The following INPP5A variants were observed in gnomAD, a reference collection of about 807,000 sequenced individuals.
The protein encoded by INPP5A is 43 kDa inositol polyphosphate 5-phophatase.
A neutral mutation model predicts 65.2 loss-of-function variants in INPP5A; 14 were observed. The ratio of observed to expected loss-of-function variants is 0.21; its 90% CI spans 0.14 to 0.34. INPP5A has a LOEUF of 0.34. INPP5A is among the 10% of genes least tolerant of loss of function. The pLI is 1.00. For missense variants in INPP5A, 431 were observed against 545.6 expected (o/e 0.79, Z 2.09); for synonymous variants, 207 against 208.3 (o/e 0.99, Z 0.05).
At chr10:132,739,981 C>T (rs1255562129) in intron 9 of INPP5A, among the ~76,000 whole-genome samples, 2 of 152,240 alleles carry the variant, frequency 1.3e-5, no homozygotes, top group East Asian at 1.9e-4. Context: ...TTGGCACTTT[C>T]CGTGGCCTCC....
chr10:132,705,679 G>A lies in INPP5A; in HGVS notation c.475-2634G>A, dbSNP rs532807240. Among the ~76,000 whole-genome samples, 1 of 152,332 alleles carries A rather than the reference G, an allele frequency of 6.6e-6. No homozygotes were observed. The highest frequency in any genetic ancestry group is 2.1e-4 in the South Asian group (1 of 4,830). On this transcript the variant is annotated intron_variant, in intron 6 of 15. Coordinates refer to ENST00000368594, the MANE Select transcript of INPP5A (RefSeq NM_005539.5). This position sits in a 1 kb window ranked among gnomAD's most constrained non-coding sequence, Gnocchi z 4.9. ...AAAAGTCTGCTTACCTGGGGCCCGG[G>A]ACTTTACAGGTGAGGGAAGAAGGAC... is the stretch of plus-strand genomic sequence containing the variant.
At chr10:132,729,799 A>G (rs1846049959) in intron 9 of INPP5A, among the ~76,000 whole-genome samples, 2 of 152,206 alleles carry the variant, frequency 1.3e-5, no homozygotes, top group Non-Finnish European at 2.9e-5. Context: ...TTTAAACATC[A>G]AACTACAGAG....
At chr10:132,744,435 A>C (rs1232167163) in intron 9 of INPP5A, among the ~76,000 whole-genome samples, 4 of 152,102 alleles carry the variant, frequency 2.6e-5, no homozygotes, top group Admixed American at 2.6e-4. Context: ...CTGCGGCTCC[A>C]CCGGTCCCTG....
At chr10:132,543,573 T>C (rs1471496090) in intron 1 of INPP5A, among the ~76,000 whole-genome samples, 1 of 152,230 alleles carries the variant, frequency 6.6e-6, no homozygotes, top group African/African-American at 2.4e-5. Context: ...TGCACCACTA[T>C]GCCCAGCTAA....
chr10:132,562,128 T>C (rs867499334), intron 1 of INPP5A, among the ~76,000 whole-genome samples: 1 of 152,278 alleles, frequency 6.6e-6, no homozygotes, highest in African/African-American at 2.4e-5. Context: ...TGCATTCACC[T>C]GCACTGTGCA....
Position 132,782,120 on chromosome 10 carries a change from C to G in INPP5A, c.*91C>G, listed in dbSNP as rs748943368. The G allele has an allele frequency of 1.3e-6, 2 of 1,530,758 alleles. No homozygotes were observed. Among genetic ancestry groups the G allele is most frequent in the Non-Finnish European group, 1.8e-6 (2 of 1,134,160 alleles). The allele number at this position is 1,530,758 out of a possible 1,614,324, so 94.8% of individuals were successfully genotyped here. A position where few individuals can be genotyped will look rare whatever the true frequency, so the allele number is the denominator to read the frequency against. ...GAATACGCACTCTTGAAAGCTGCAT[C>G]GAGAACCCGCCCAAGCGCCACCTGC... On this transcript the variant is annotated 3_prime_UTR_variant, in exon 16 of 16. Transcript: ENST00000368594. The surrounding 1 kb of genome is among the most constrained non-coding windows in gnomAD (Gnocchi z 4.4).
chr10:132,650,359 T>C lies in INPP5A; in HGVS notation c.219-59T>C. The C allele has an allele frequency of 8.6e-7, 1 of 1,163,694 alleles. No homozygotes were observed. The highest frequency in any genetic ancestry group is 1.2e-5 in the South Asian group (1 of 81,606). 72.1% of individuals were successfully genotyped at this position (1,163,694 alleles called of 1,614,324 possible). A position where few individuals can be genotyped will look rare whatever the true frequency, so the allele number is the denominator to read the frequency against. On this transcript the variant is annotated intron_variant, in intron 3 of 15. Transcript: ENST00000368594. The surrounding 1 kb of genome is among the most constrained non-coding windows in gnomAD (Gnocchi z 5.5). ...GCCCCTCTTATACCTTGTGGTCATC[T>C]CATGAGGTGCAAGGCGTCTGTGTGG...
intron 2 of INPP5A, among the ~76,000 whole-genome samples, chr10:132,621,138 C>G (rs1465036410): frequency 7.9e-5 from 12 of 152,194 alleles, no homozygotes; most frequent in Admixed American, 7.9e-4. Context: ...TAAAGGGCAT[C>G]TATCTACAGA....
chr10:132,685,762 C>T (rs900252452), intron 4 of INPP5A, among the ~76,000 whole-genome samples: 12 of 152,166 alleles, frequency 7.9e-5, no homozygotes, highest in African/African-American at 2.4e-4. Flanking sequence ...CAGTGCCTGC[C>T]GGGACGCGTT....
rs1330776957 is a variant in INPP5A, at chr10:132,650,594, G to A, written c.306+89G>A. The A allele has an allele frequency of 5.4e-6, 5 of 929,556 alleles. No homozygotes were observed. Among genetic ancestry groups the A allele is most frequent in the East Asian group, 2.4e-5 (1 of 40,912 alleles). The allele number at this position is 929,556 out of a possible 1,614,324, so 57.6% of individuals were successfully genotyped here. Reference sequence around the variant, plus strand: ...TCTCCTGTGTAAATGGAGAGAGGTCGGGGTGCTCCCTGCCTGAAGCCTCAC... The same window carrying A: ...TCTCCTGTGTAAATGGAGAGAGGTCAGGGTGCTCCCTGCCTGAAGCCTCAC... On this transcript the variant is annotated intron_variant, in intron 4 of 15. Transcript: ENST00000368594. This position sits in a 1 kb window ranked among gnomAD's most constrained non-coding sequence, Gnocchi z 5.5.
rs988187723 is a variant in INPP5A at position 132,550,670 on chromosome 10, G to T, written c.75+12499G>T. Among the ~76,000 whole-genome samples, 3 of 152,244 alleles carry T rather than the reference G, an allele frequency of 2.0e-5. No homozygotes were observed. Among genetic ancestry groups the T allele is most frequent in the African/African-American group, 7.2e-5 (3 of 41,454 alleles). ...GACGTCCACTGTAGGACAGCTGGGA[G>T]TGGGGGTGTCTGGCTATTTCACTAT... On this transcript the variant is annotated intron_variant, in intron 1 of 15. Transcript: ENST00000368594. The surrounding 1 kb of genome is among the most constrained non-coding windows in gnomAD (Gnocchi z 4.2).
At chr10:132,600,839 A>G (rs561198349) in intron 1 of INPP5A, among the ~76,000 whole-genome samples, 2 of 152,224 alleles carry the variant, frequency 1.3e-5, no homozygotes, top group African/African-American at 2.4e-5. Context: ...ATCAGATCTC[A>G]TGAGACTTAT....
chr10:132,739,647 C>T (rs1029617058), intron 9 of INPP5A, among the ~76,000 whole-genome samples: 6 of 152,200 alleles, frequency 3.9e-5, no homozygotes, highest in Non-Finnish European at 5.9e-5. Flanking sequence ...CCCTGGGAGC[C>T]GGGTGAGTCG....
intron 1 of INPP5A, among the ~76,000 whole-genome samples, chr10:132,558,959 CT>C (rs1344743238): frequency 3.3e-5 from 5 of 152,202 alleles, no homozygotes; most frequent in African/African-American, 1.2e-4. Context: ...GGTGCCCACC[CT>C]GGTCGAGCCC....
intron 14 of INPP5A, 74 bp downstream of exon 14, chr10:132,780,991 G>C: frequency 1.0e-6 from 1 of 976,062 alleles, no homozygotes; most frequent in Non-Finnish European, 1.6e-6. Flanking sequence ...GCTGGGGCCA[G>C]TGGGTGGGCG....
At chr10:132,689,253 C>T (rs73385180) in intron 4 of INPP5A, among the ~76,000 whole-genome samples, 2,241 of 152,312 alleles carry the variant, frequency 0.015, 34 homozygotes, top group South Asian at 0.038. Context: ...CTCAGAGTCT[C>T]TTCCCTGTGG....
At chr10:132,772,624 CCACGAAGAGTGGGACGGACACTCAG>C (rs1229519316) in intron 12 of INPP5A, among the ~76,000 whole-genome samples, 1 of 117,114 alleles carries the variant, frequency 8.5e-6, no homozygotes, top group South Asian at 3.5e-4. Flanking sequence ...GGCAGCCACC[CCACGAAGAGTGGGACGGACACTCAG>C]CACTGACACA....
At chr10:132,700,335 G>A (rs1255424881) in intron 6 of INPP5A, among the ~76,000 whole-genome samples, 1 of 152,188 alleles carries the variant, frequency 6.6e-6, no homozygotes, top group African/African-American at 2.4e-5. Context: ...TGGGACGGGG[G>A]GCCAGCCCCT....
chr10:132,722,653 C>T lies in INPP5A; in HGVS notation c.648-4168C>T, dbSNP rs1412283362. ...TGAGGTCGCAGTTGTCCTGGAGACA[C>T]GCTGACGAGCCCCCCAGCCGTCGCG... On this transcript the variant is annotated intron_variant, in intron 8 of 15. Coordinates refer to ENST00000368594, the MANE Select transcript of INPP5A (RefSeq NM_005539.5). 2.6e-5 allele frequency among the ~76,000 whole-genome samples: 4 copies of T among 152,194 alleles called. No individual in the cohort carries two copies. In the East Asian group the frequency reaches 5.8e-4, roughly 22 times the overall value.
Sources: gnomAD v4.1 joint callset for allele counts (sites outside exome capture counted in the v4.1 genomes callset) on GRCh38, gnomAD v4.1.1 for gene constraint, Gnocchi (gnomAD v3.1) non-coding constraint, MANE v1.5 for transcripts, NCBI Gene and HGNC (gene_info 2026-07-23, HGNC 2026-07-21) for gene names.